USP4: variants seen among roughly 807,000 people sequenced by gnomAD.
The protein encoded by USP4 is ubiquitin specific peptidase 4, also known as ubiquitin carboxyl-terminal hydrolase 4.
USP4 carries 72 observed loss-of-function variants against 118.2 expected under a neutral mutation model. The observed-to-expected ratio is 0.61, with a 90% confidence interval of 0.50 to 0.74. The LOEUF is 0.74. USP4 is among the 30% of genes least tolerant of loss of function. The pLI, the probability that USP4 is intolerant of heterozygous loss-of-function variation, is 0.00. For synonymous variants in USP4, 415 were observed against 440.4 expected (o/e 0.94, Z 0.72); for missense variants, 1,037 against 1,185.7 (o/e 0.87, Z 1.84).
intron 15 of USP4, among the ~76,000 whole-genome samples, chr3:49,289,131 C>G (rs2047127985): frequency 6.6e-6 from 1 of 151,990 alleles, no homozygotes; most frequent in Non-Finnish European, 1.5e-5. Flanking sequence ...AACCTTTGTG[C>G]TTAAACAAGG....
At position 49,277,293 on chromosome 3, in the gene USP4, C is replaced by A; in HGVS notation, c.*1000G>T. 1.6e-6 allele frequency: 2 copies of A among 1,240,562 alleles called. No individual in the cohort carries two copies. Among genetic ancestry groups the A allele is most frequent in the South Asian group, 2.5e-5 (2 of 79,558 alleles). The allele number at this position is 1,240,562 out of a possible 1,614,324, so 76.8% of individuals were successfully genotyped here. A position where few individuals can be genotyped will look rare whatever the true frequency, so the allele number is the denominator to read the frequency against. ...TGAAGGTCAGACAAAAAATCCCGGA[C>A]CCATACGTCCGGTTCCTTAAGGCCT... On this transcript the variant is annotated 3_prime_UTR_variant, in exon 22 of 22. Coordinates refer to ENST00000265560, the MANE Select transcript of USP4 (RefSeq NM_003363.4).
At chr3:49,282,054 A>C (rs760345616) in intron 19 of USP4, among the ~76,000 whole-genome samples, 2 of 151,868 alleles carry the variant, frequency 1.3e-5, no homozygotes, top group South Asian at 4.2e-4. Flanking sequence ...ACAACAACAA[A>C]AGAAAATGGG....
intron 9 of USP4, among the ~76,000 whole-genome samples, chr3:49,305,065 T>G (rs1559471435): frequency 1.4e-5 from 2 of 140,632 alleles, no homozygotes; most frequent in Admixed American, 7.3e-5. Flanking sequence ...CCTGGACTTT[T>G]TTGTTGTTGT....
rs2046989882 is a variant in USP4, at chr3:49,278,981, A to G, written c.2645-79T>C. 8 of 951,294 alleles carry G rather than the reference A, an allele frequency of 8.4e-6. No homozygotes were observed. In the Admixed American group the frequency reaches 2.3e-4, roughly 27 times the overall value. The allele number at this position is 951,294 out of a possible 1,614,324, so 58.9% of individuals were successfully genotyped here. A position where few individuals can be genotyped will look rare whatever the true frequency, so the allele number is the denominator to read the frequency against. On this transcript the variant is annotated intron_variant, in intron 20 of 21. Transcript: ENST00000265560. ...TAGCTTATTAGGCTTGCACTAAATA[A>G]ACACAAAAATCCCCAAAACAAAACC...
chr3:49,291,956 C>T lies in USP4; in HGVS notation c.1972+554G>A, dbSNP rs529567752. ...CCAAGTAGCTGGGACTATAGGTGCC[C>T]GCCACCATGTCCGGCTAATTTTTTG... is the stretch of plus-strand genomic sequence containing the variant. On this transcript the variant is annotated intron_variant, in intron 15 of 21. Coordinates refer to ENST00000265560, the MANE Select transcript of USP4 (RefSeq NM_003363.4). 8.5e-5 allele frequency among the ~76,000 whole-genome samples: 13 copies of T among 152,050 alleles called. 1 individual carries two copies. The South Asian group carries it at 2.5e-3, about 29-fold the overall frequency.
At chr3:49,318,138 A>G (rs1315388241) in intron 6 of USP4, among the ~76,000 whole-genome samples, 1 of 151,858 alleles carries the variant, frequency 6.6e-6, no homozygotes, top group African/African-American at 2.4e-5. Flanking sequence ...GCCTGACCTA[A>G]TTTTATTTTT....
At chr3:49,317,106 T>G in intron 6 of USP4, 1 of 1,338,300 alleles carries the variant, frequency 7.5e-7, no homozygotes, top group Non-Finnish European at 1.1e-6. Flanking sequence ...CACCACTACT[T>G]TTCTGGTCTG....
At chr3:49,330,943 G>A (rs1273732533) in intron 2 of USP4, among the ~76,000 whole-genome samples, 14 of 151,456 alleles carry the variant, frequency 9.2e-5, no homozygotes, top group South Asian at 2.1e-4. Flanking sequence ...GTGTGAACCC[G>A]GGAGGCGGAG....
At chr3:49,323,700 T>G (rs1263415580) in intron 6 of USP4, among the ~76,000 whole-genome samples, 11 of 152,164 alleles carry the variant, frequency 7.2e-5, no homozygotes, top group Admixed American at 5.9e-4. Context: ...AGGAGCCCAC[T>G]ACTATGTAAT....
At chr3:49,299,396 CTTT>C (rs759272476) in intron 11 of USP4, among the ~76,000 whole-genome samples, 1 of 126,094 alleles carries the variant, frequency 7.9e-6, no homozygotes, top group Admixed American at 8.3e-5. Context: ...CCTGCCTCAA[CTTT>C]TTTTTTTTTT....
chr3:49,322,928 A>T lies in USP4; in HGVS notation c.695+1774T>A, dbSNP rs902101586. 3.3e-5 allele frequency among the ~76,000 whole-genome samples: 5 copies of T among 151,130 alleles called. No individual in the cohort carries two copies. The South Asian group carries it at 1.0e-3, about 32-fold the overall frequency. ...ACATGGATTACAAATCTCTTCTCTC[A>T]CTGTATGGCTTATGGCTTGTCTTCA... On this transcript the variant is annotated intron_variant, in intron 6 of 21. Coordinates refer to ENST00000265560, the MANE Select transcript of USP4 (RefSeq NM_003363.4).
In USP4 at chr3:49,340,020, G is replaced by A. The variant is rs199948824; in HGVS notation, c.5C>T (p.Ala2Val). ...TCGCTCACGGCAGCCTCCACCTTCC[G>A]CCATCTCCTCCGCGGCCCCGGCCCA... Reference protein sequence around the residue: MAEGGGCRERPD... With the variant: MVEGGGCRERPD... The change falls in exon 1 of 22, where the codon GCG (alanine) becomes GTG (valine). Residue 2 changes from alanine (A) to valine (V), a missense_variant. Coordinates refer to ENST00000265560, the MANE Select transcript of USP4 (RefSeq NM_003363.4). The A allele has an allele frequency of 6.2e-6, 10 of 1,607,096 alleles. No homozygotes were observed. In the East Asian group the frequency reaches 1.3e-4, roughly 22 times the overall value.
At chr3:49,309,861 A>AGGTTATCCACCCGCCTTAG (rs1460998774) in intron 8 of USP4, among the ~76,000 whole-genome samples, 1 of 146,254 alleles carries the variant, frequency 6.8e-6, no homozygotes, top group Non-Finnish European at 1.5e-5. Flanking sequence ...TCCTGACCTC[A>AGGTTATCCACCCGCCTTAG]GGTTATCCAC....
chr3:49,281,485 T>C (rs867730625), intron 19 of USP4, among the ~76,000 whole-genome samples: 36 of 106,878 alleles, frequency 3.4e-4, no homozygotes, highest in East Asian at 1.9e-3. Flanking sequence ...TGTATATATA[T>C]ATATATACAC....
chr3:49,315,241 G>A (rs935804459), intron 6 of USP4, among the ~76,000 whole-genome samples: 1 of 152,016 alleles, frequency 6.6e-6, no homozygotes, highest in South Asian at 2.1e-4. Context: ...CTAGCTACTC[G>A]GGAGGCTAAG....
chr3:49,318,122 C>T (rs1322512756), intron 6 of USP4, among the ~76,000 whole-genome samples: 1 of 152,224 alleles, frequency 6.6e-6, no homozygotes, highest in African/African-American at 2.4e-5. Flanking sequence ...AGGCATGAGC[C>T]ACCGTGCCTG....
intron 11 of USP4, 45 bp from the exon 12 acceptor site, chr3:49,298,680 G>T: frequency 6.4e-7 from 1 of 1,558,242 alleles, no homozygotes; most frequent in Non-Finnish European, 8.9e-7. Context: ...CCCCACAAAG[G>T]GTGCGAAATG....
intron 20 of USP4, among the ~76,000 whole-genome samples, chr3:49,280,213 G>A (rs986796490): frequency 4.0e-5 from 6 of 151,864 alleles, no homozygotes; most frequent in Non-Finnish European, 5.9e-5. Flanking sequence ...CAAGTGAGCC[G>A]AGACTGCGCC....
intron 11 of USP4, 59 bp from the exon 12 acceptor site, chr3:49,298,694 TAGG>T (rs2047234154): frequency 6.8e-7 from 1 of 1,477,192 alleles, no homozygotes; most frequent in Non-Finnish European, 9.5e-7. Context: ...CGAAATGCAT[TAGG>T]AGAAGCAGGC....
Sources: allele counts gnomAD v4.1 joint callset (sites outside exome capture counted in the v4.1 genomes callset), GRCh38; gene constraint gnomAD v4.1.1; transcripts MANE v1.5; gene names NCBI Gene and HGNC (gene_info 2026-07-23, HGNC 2026-07-21).